CSMD1: variants seen among roughly 807,000 people sequenced by gnomAD.
The protein encoded by CSMD1 is CUB and sushi domain-containing protein 1.
A neutral mutation model predicts 417.5 loss-of-function variants in CSMD1; 213 were observed. The observed-to-expected ratio is 0.51, with a 90% CI of 0.46 to 0.57. The LOEUF is 0.57. Ranked by LOEUF, CSMD1 falls within the 20% of genes least tolerant of loss-of-function variation. The pLI is 0.00. For missense variants in CSMD1, 6,923 were observed against 4,529.7 expected (o/e 1.53, Z -15.17); for synonymous variants, 2,862 against 1,736.8 (o/e 1.65, Z -16.11).
intron 27 of CSMD1, among the ~76,000 whole-genome samples, chr8:3,229,467 T>TAA (rs1798703116): frequency 6.6e-6 from 1 of 152,210 alleles, no homozygotes; most frequent in Non-Finnish European, 1.5e-5. Flanking sequence ...CTCAGGTGGC[T>TAA]ATTCAAGCCA....
intron 4 of CSMD1, among the ~76,000 whole-genome samples, chr8:4,024,639 C>A (rs577618865): frequency 4.1e-4 from 62 of 152,266 alleles, no homozygotes; most frequent in African/African-American, 1.3e-3. Context: ...CAGGATCTTG[C>A]ATTTATGGGC....
At chr8:4,264,318 T>G (rs1393616213) in intron 3 of CSMD1, among the ~76,000 whole-genome samples, 1 of 152,156 alleles carries the variant, frequency 6.6e-6, no homozygotes, top group African/African-American at 2.4e-5. Context: ...AGCATGACAT[T>G]CAATTTTCAG....
At chr8:4,288,295 G>C (rs761057211) in intron 3 of CSMD1, among the ~76,000 whole-genome samples, 2 of 152,192 alleles carry the variant, frequency 1.3e-5, no homozygotes, top group East Asian at 3.9e-4. Context: ...CCTTTCCTAA[G>C]GTACTATTTT....
chr8:3,638,036 G>C (rs192699760), intron 7 of CSMD1, among the ~76,000 whole-genome samples: 157 of 152,206 alleles, frequency 1.0e-3, no homozygotes, highest in African/African-American at 3.6e-3. Flanking sequence ...AAATTACGCA[G>C]TCTCAGGTAT....
intron 2 of CSMD1, among the ~76,000 whole-genome samples, chr8:4,630,266 ACACACACAC>A (rs1802432388): frequency 3.6e-4 from 1 of 2,756 alleles, no homozygotes; most frequent in African/African-American, 3.5e-3. Flanking sequence ...CACAGCAAAT[ACACACACAC>A]ACACACACAC....
chr8:4,002,350 G>C (rs1197797911), intron 4 of CSMD1, among the ~76,000 whole-genome samples: 1 of 152,114 alleles, frequency 6.6e-6, no homozygotes, highest in Non-Finnish European at 1.5e-5. Context: ...TTTTGTAAGG[G>C]ATTTTACTTT....
At chr8:4,756,394 G>T (rs1341812415) in intron 1 of CSMD1, among the ~76,000 whole-genome samples, 1 of 152,044 alleles carries the variant, frequency 6.6e-6, no homozygotes, top group South Asian at 2.1e-4. Context: ...TTTCTGACCC[G>T]ACCAAGTTGA....
chr8:3,411,849 C>CGTGTATAT (rs1812754919), intron 12 of CSMD1, among the ~76,000 whole-genome samples: 6 of 90,902 alleles, frequency 6.6e-5, no homozygotes, highest in Non-Finnish European at 1.2e-4. Context: ...TATATATGCA[C>CGTGTATAT]GTATATATGC....
intron 46 of CSMD1, among the ~76,000 whole-genome samples, chr8:3,103,274 T>C (rs1041575062): frequency 2.0e-5 from 3 of 152,192 alleles, no homozygotes; most frequent in Non-Finnish European, 1.5e-5. Context: ...AAAAACTCTC[T>C]TCCTCCTCAG....
chr8:3,541,552 G>C (rs979200410), intron 10 of CSMD1, among the ~76,000 whole-genome samples: 1 of 146,034 alleles, frequency 6.8e-6, no homozygotes, highest in Non-Finnish European at 1.5e-5. Context: ...AAAAATATGA[G>C]AATAAATTAA....
chr8:4,751,744 G>C (rs77998859), intron 1 of CSMD1, among the ~76,000 whole-genome samples: 1,566 of 152,252 alleles, frequency 0.01, 11 homozygotes, highest in East Asian at 0.053. Context: ...TGTGGAGTTA[G>C]GAGCTTGGTG....
At chr8:3,552,759 G>C (rs888542097) in intron 10 of CSMD1, among the ~76,000 whole-genome samples, 5 of 152,082 alleles carry the variant, frequency 3.3e-5, no homozygotes, top group African/African-American at 1.2e-4. Flanking sequence ...GAATTTTATT[G>C]ACACAAGAAC....
At chr8:3,827,698 G>T (rs1337738381) in intron 5 of CSMD1, among the ~76,000 whole-genome samples, 1 of 152,196 alleles carries the variant, frequency 6.6e-6, no homozygotes, top group Non-Finnish European at 1.5e-5. Context: ...ACTTCATTGT[G>T]AGTTTTGTCA....
intron 5 of CSMD1, among the ~76,000 whole-genome samples, chr8:3,980,854 C>G (rs543481862): frequency 6.6e-6 from 1 of 152,260 alleles, no homozygotes; most frequent in East Asian, 1.9e-4. Flanking sequence ...CTTTGAAAAT[C>G]CTTTCAAGTT....
Position 3,925,707 on chromosome 8 carries a change from G to A in CSMD1, c.818+72196C>T, listed in dbSNP as rs1280615777. 2.6e-5 allele frequency among the ~76,000 whole-genome samples: 4 copies of A among 152,070 alleles called. No homozygotes were observed. In the East Asian group the frequency reaches 5.8e-4, roughly 22 times the overall value. On this transcript the variant is annotated intron_variant, in intron 5 of 69. Transcript: ENST00000635120. ...CTCTTGCCACCACCACGTAAGAAGT[G>A]CCTGTTACCTCCCGCCATGATTCTG...
intron 2 of CSMD1, among the ~76,000 whole-genome samples, chr8:4,461,860 C>G (rs953042642): frequency 6.6e-6 from 1 of 151,482 alleles, no homozygotes; most frequent in Admixed American, 6.6e-5. Flanking sequence ...CCTGCCTCAG[C>G]CTCCCGAGTA....
intron 2 of CSMD1, among the ~76,000 whole-genome samples, chr8:4,422,202 C>T (rs759799056): frequency 6.6e-6 from 1 of 152,064 alleles, no homozygotes; most frequent in Non-Finnish European, 1.5e-5. Flanking sequence ...TAACACCAGT[C>T]GTACACACTT....
intron 55 of CSMD1, among the ~76,000 whole-genome samples, chr8:2,976,489 G>A (rs971957601): frequency 4.6e-5 from 7 of 152,108 alleles, no homozygotes; most frequent in African/African-American, 7.2e-5. Flanking sequence ...GGGACTATAG[G>A]CATGTGCCAC....
At chr8:3,397,765 G>T (rs917244877) in intron 16 of CSMD1, among the ~76,000 whole-genome samples, 1 of 152,170 alleles carries the variant, frequency 6.6e-6, no homozygotes, top group Non-Finnish European at 1.5e-5. Context: ...TCAACAGCTG[G>T]AAGATTTCCA....
Sources: gnomAD v4.1 joint callset for allele counts (sites outside exome capture counted in the v4.1 genomes callset) on GRCh38, gnomAD v4.1.1 for gene constraint, MANE v1.5 for transcripts, NCBI Gene and HGNC (gene_info 2026-07-23, HGNC 2026-07-21) for gene names.